DNAJC1: variants seen among roughly 807,000 people sequenced by gnomAD.
DNAJC1 encodes the protein DnaJ heat shock protein family (Hsp40) member C1.
Under a neutral mutation model 76.6 loss-of-function variants are expected in DNAJC1, and 58 were observed. That is an observed-to-expected ratio of 0.76 (90% CI 0.61 to 0.94). The LOEUF is 0.94. Among genes scored for constraint, DNAJC1 ranks in the 40% least tolerant of loss-of-function variants. The pLI, the probability that DNAJC1 is intolerant of heterozygous loss-of-function variation, is 0.00. For missense variants in DNAJC1, 689 were observed against 677.3 expected, an observed-to-expected ratio of 1.02 and a Z score of -0.19; for synonymous variants, 258 against 267.9, an observed-to-expected ratio of 0.96 and a Z score of 0.36.
At chr10:21,969,709 T>C (rs1026234714) in intron 1 of DNAJC1, among the ~76,000 whole-genome samples, 4 of 152,190 alleles carry the variant, frequency 2.6e-5, no homozygotes, top group Admixed American at 6.5e-5. Flanking sequence ...TTTTAAGTAG[T>C]ACATAAAATA....
chr10:21,932,095 G>A (rs1413809028), intron 1 of DNAJC1, among the ~76,000 whole-genome samples: 2 of 152,202 alleles, frequency 1.3e-5, no homozygotes, highest in Non-Finnish European at 2.9e-5. Flanking sequence ...CCAGCACTTT[G>A]GAAGGCTGAG....
intron 8 of DNAJC1, among the ~76,000 whole-genome samples, chr10:21,839,263 A>T (rs960114024): frequency 2.6e-5 from 4 of 152,250 alleles, no homozygotes; most frequent in Non-Finnish European, 5.9e-5. Context: ...AGCAGAACTG[A>T]AGGAAATAGA....
chr10:22,001,011 T>C (rs749364816), intron 1 of DNAJC1, among the ~76,000 whole-genome samples: 2 of 152,248 alleles, frequency 1.3e-5, no homozygotes, highest in Non-Finnish European at 2.9e-5. Context: ...AGAGGCCTGC[T>C]CTGACCATAT....
chr10:21,899,776 G>A lies in DNAJC1; in HGVS notation c.820+4746C>T, dbSNP rs754641132. Reference sequence around the variant, plus strand: ...TGGTAGAATAGGTATCCTGCATTGCGGGGGGACCCTTCCTAGTCCAGACTG... The same window carrying A: ...TGGTAGAATAGGTATCCTGCATTGCAGGGGGACCCTTCCTAGTCCAGACTG... On this transcript the variant is annotated intron_variant, in intron 7 of 11. Transcript: ENST00000376980. 1.4e-4 allele frequency among the ~76,000 whole-genome samples: 22 copies of A among 152,254 alleles called. No individual in the cohort carries two copies. In the Middle Eastern group the frequency reaches 0.01, roughly 71 times the overall value.
intron 1 of DNAJC1, among the ~76,000 whole-genome samples, chr10:21,961,898 G>A (rs1279612381): frequency 6.6e-6 from 1 of 151,828 alleles, no homozygotes; most frequent in Non-Finnish European, 1.5e-5. Flanking sequence ...CCACACTCAG[G>A]CCTCCCTCAT....
At chr10:21,884,344 A>G (rs1469483174) in intron 7 of DNAJC1, among the ~76,000 whole-genome samples, 1 of 152,194 alleles carries the variant, frequency 6.6e-6, no homozygotes, top group Non-Finnish European at 1.5e-5. Context: ...TTAAAGAAAT[A>G]CAAATTAAGT....
chr10:21,805,961 CA>C lies in DNAJC1; in HGVS notation c.1098+18del. 6.2e-7 allele frequency: 1 copy of C among 1,611,090 alleles called. No homozygotes were observed. The highest frequency in any genetic ancestry group is 8.5e-7 in the Non-Finnish European group (1 of 1,179,276). On this transcript the variant is annotated intron_variant, in intron 9 of 11. Transcript: ENST00000376980. ...TTCTGGTTTCTCTCTCTATACAATGCAAATCTCAGTGAACTCACATCTGTCA... is the reference window on the plus strand; with the variant it reads ...TTCTGGTTTCTCTCTCTATACAATGCAATCTCAGTGAACTCACATCTGTCA...
chr10:21,823,089 A>G (rs1175260644), intron 8 of DNAJC1, among the ~76,000 whole-genome samples: 1 of 152,156 alleles, frequency 6.6e-6, no homozygotes. Context: ...AAATCATGAC[A>G]ATTTTAAAAA....
intron 1 of DNAJC1, among the ~76,000 whole-genome samples, chr10:21,997,211 G>A (rs1398699768): frequency 6.6e-6 from 1 of 152,134 alleles, no homozygotes; most frequent in Non-Finnish European, 1.5e-5. Flanking sequence ...TTCTAAAAAG[G>A]ACTGTGATGG....
At chr10:21,979,712 C>CTT (rs771102291) in intron 1 of DNAJC1, among the ~76,000 whole-genome samples, 1 of 142,472 alleles carries the variant, frequency 7.0e-6, no homozygotes, top group Admixed American at 7.1e-5. Context: ...TATAATTTTT[C>CTT]TTTTTTTTTT....
At chr10:21,858,704 G>A (rs993293846) in intron 8 of DNAJC1, among the ~76,000 whole-genome samples, 2 of 152,120 alleles carry the variant, frequency 1.3e-5, no homozygotes, top group Non-Finnish European at 2.9e-5. Context: ...TAGGGAGAGA[G>A]ATAACGAGAA....
intron 8 of DNAJC1, among the ~76,000 whole-genome samples, chr10:21,869,757 G>T (rs1836072094): frequency 6.6e-6 from 1 of 152,024 alleles, no homozygotes; most frequent in Non-Finnish European, 1.5e-5. Context: ...ATCTATAGGT[G>T]ATGAAATGAC....
chr10:21,839,526 C>A (rs1448521912), intron 8 of DNAJC1, among the ~76,000 whole-genome samples: 1 of 152,036 alleles, frequency 6.6e-6, no homozygotes, highest in Non-Finnish European at 1.5e-5. Flanking sequence ...TCCTTGACAC[C>A]TACATCCTCC....
chr10:21,780,800 C>T (rs1278381742), intron 9 of DNAJC1, among the ~76,000 whole-genome samples: 2 of 152,104 alleles, frequency 1.3e-5, no homozygotes, highest in Non-Finnish European at 2.9e-5. Flanking sequence ...CACAGACTGG[C>T]AAATTGGATA....
In DNAJC1 at chr10:21,873,737, CT is replaced by C. The variant is rs551019144; in HGVS notation, c.978+8544del. ...AAAGACACTATAAAGGCATTTTTGGCTTGTAATTCCTTTTCTTTTTAAAAAC... is the reference window on the plus strand; with the variant it reads ...AAAGACACTATAAAGGCATTTTTGGCTGTAATTCCTTTTCTTTTTAAAAAC... On this transcript the variant is annotated intron_variant, in intron 8 of 11. Coordinates refer to ENST00000376980, the MANE Select transcript of DNAJC1 (RefSeq NM_022365.4). 5.4e-3 allele frequency among the ~76,000 whole-genome samples: 827 copies of C among 152,268 alleles called. 4 individuals are homozygous for C. The highest frequency in any genetic ancestry group is 9.3e-3 in the Non-Finnish European group (634 of 68,008).
intron 8 of DNAJC1, among the ~76,000 whole-genome samples, chr10:21,826,291 T>A (rs1835252765): frequency 6.7e-6 from 1 of 150,276 alleles, no homozygotes; most frequent in Admixed American, 6.6e-5. Flanking sequence ...GCAAATATTT[T>A]CTCCCATTCT....
At chr10:21,862,750 C>T (rs1266255718) in intron 8 of DNAJC1, among the ~76,000 whole-genome samples, 3 of 151,994 alleles carry the variant, frequency 2.0e-5, no homozygotes, top group African/African-American at 7.3e-5. Context: ...TTAAAGAAAC[C>T]AATGCTCAGA....
In DNAJC1 at chr10:21,929,155, G is replaced by A. The variant is rs561973400; in HGVS notation, c.223-14C>T. 2 of 1,576,438 alleles carry A rather than the reference G, an allele frequency of 1.3e-6. No homozygotes were observed. Among genetic ancestry groups the A allele is most frequent in the Non-Finnish European group, 1.7e-6 (2 of 1,152,740 alleles). On this transcript the variant is annotated splice_polypyrimidine_tract_variant and intron_variant, in intron 1 of 11. Coordinates refer to ENST00000376980, the MANE Select transcript of DNAJC1 (RefSeq NM_022365.4). The stretch of plus-strand genomic sequence containing the variant: ...AGATGATGCATCCTGGAGGTGGTAG[G>A]GGGAGGGGAAAATACAAAGCAAACT...
At chr10:21,857,602 C>A (rs1030207387) in intron 8 of DNAJC1, among the ~76,000 whole-genome samples, 1 of 152,040 alleles carries the variant, frequency 6.6e-6, no homozygotes, top group Non-Finnish European at 1.5e-5. Flanking sequence ...AGGAAATCAG[C>A]ATGTTAGGGA....
Sources: allele counts gnomAD v4.1 joint callset (sites outside exome capture counted in the v4.1 genomes callset), GRCh38; gene constraint gnomAD v4.1.1; transcripts MANE v1.5; gene names NCBI Gene and HGNC (gene_info 2026-07-23, HGNC 2026-07-21).